Variants in HS6ST3 observed in about 807,000 individuals in gnomAD.
HS6ST3 encodes heparan-sulfate 6-O-sulfotransferase 3.
In HS6ST3, 12 loss-of-function variants were observed where a neutral mutation model predicts 36.7. That is an observed-to-expected ratio of 0.33 (90% confidence interval 0.21 to 0.53). The LOEUF is 0.53. Among genes scored for constraint, HS6ST3 ranks in the 20% least tolerant of loss-of-function variants. The probability of loss-of-function intolerance (pLI) is 0.95; values close to 1 mark genes in which losing one functional copy is unlikely to be tolerated. For synonymous variants in HS6ST3, 240 were observed against 257.5 expected (o/e 0.93, Z 0.65); for missense variants, 584 against 640.9 (o/e 0.91, Z 0.96).
At chr13:96,789,049 T>C (rs1353602605) in intron 1 of HS6ST3, among the ~76,000 whole-genome samples, 3 of 151,840 alleles carry the variant, frequency 2.0e-5, no homozygotes, top group Non-Finnish European at 2.9e-5. Flanking sequence ...ACCATTTTTA[T>C]TTGTTTTTTT....
At chr13:96,716,748 T>G (rs917664191) in intron 1 of HS6ST3, among the ~76,000 whole-genome samples, 36 of 152,338 alleles carry the variant, frequency 2.4e-4, no homozygotes, top group African/African-American at 8.7e-4. Flanking sequence ...GCTGTTTTAT[T>G]TCTGTTCTTG....
intron 1 of HS6ST3, among the ~76,000 whole-genome samples, chr13:96,096,136 T>C (rs2053789757): frequency 6.6e-6 from 1 of 152,072 alleles, no homozygotes; most frequent in African/African-American, 2.4e-5. Flanking sequence ...AAAGAATGTG[T>C]AATATTTAAT....
chr13:96,680,605 G>T (rs1357961477), intron 1 of HS6ST3, among the ~76,000 whole-genome samples: 1 of 152,068 alleles, frequency 6.6e-6, no homozygotes, highest in Non-Finnish European at 1.5e-5. Flanking sequence ...GGGAAGTTTC[G>T]AAACCATCAT....
At chr13:96,249,919 A>C (rs566545951) in intron 1 of HS6ST3, among the ~76,000 whole-genome samples, 2 of 152,140 alleles carry the variant, frequency 1.3e-5, no homozygotes, top group African/African-American at 4.8e-5. Flanking sequence ...AATGTAGATT[A>C]GAGTTTATGA....
chr13:96,448,210 T>G (rs758670942), intron 1 of HS6ST3, among the ~76,000 whole-genome samples: 1 of 152,198 alleles, frequency 6.6e-6, no homozygotes, highest in Non-Finnish European at 1.5e-5. Context: ...TTGGTTACCT[T>G]TAAAAATCGG....
intron 1 of HS6ST3, among the ~76,000 whole-genome samples, chr13:96,116,739 A>G (rs572947465): frequency 7.2e-5 from 11 of 152,298 alleles, no homozygotes; most frequent in Middle Eastern, 3.4e-3. Flanking sequence ...GAACATTGCT[A>G]TTTTAAATTG....
chr13:96,094,104 A>G (rs906983259), intron 1 of HS6ST3, among the ~76,000 whole-genome samples: 1 of 152,306 alleles, frequency 6.6e-6, no homozygotes, highest in South Asian at 2.1e-4. Context: ...GGAGTCAGAT[A>G]AATATGGCTC....
chr13:96,366,511 T>C (rs972184358), intron 1 of HS6ST3, among the ~76,000 whole-genome samples: 1 of 151,890 alleles, frequency 6.6e-6, no homozygotes, highest in African/African-American at 2.4e-5. Flanking sequence ...TGTAAGGCCC[T>C]AGAGTTCAAG....
intron 1 of HS6ST3, among the ~76,000 whole-genome samples, chr13:96,433,193 C>T (rs2055624762): frequency 6.6e-6 from 1 of 152,128 alleles, no homozygotes; most frequent in East Asian, 1.9e-4. Flanking sequence ...CAAGGTTGTT[C>T]TAGTCCCTCA....
intron 1 of HS6ST3, among the ~76,000 whole-genome samples, chr13:96,504,570 A>G (rs936994410): frequency 2.0e-5 from 3 of 152,106 alleles, no homozygotes; most frequent in Non-Finnish European, 4.4e-5. Context: ...AATAAAATAA[A>G]AGTAAAAGAG....
chr13:96,253,515 A>G (rs111440916), intron 1 of HS6ST3, among the ~76,000 whole-genome samples: 1,705 of 152,082 alleles, frequency 0.011, 31 homozygotes, highest in African/African-American at 0.039. Context: ...TATGCTGGAT[A>G]CTCAACTAGA....
At chr13:96,191,321 A>G (rs1031149586) in intron 1 of HS6ST3, among the ~76,000 whole-genome samples, 10 of 152,146 alleles carry the variant, frequency 6.6e-5, no homozygotes, top group Non-Finnish European at 1.3e-4. Flanking sequence ...AGTGCTTCCA[A>G]TTCCCTTGTG....
intron 1 of HS6ST3, among the ~76,000 whole-genome samples, chr13:96,445,036 A>T: frequency 6.6e-6 from 1 of 152,244 alleles, no homozygotes; most frequent in East Asian, 1.9e-4. Context: ...AAATGTAGTG[A>T]ATGACCTCAG....
chr13:96,164,211 A>G (rs2054150368), intron 1 of HS6ST3, among the ~76,000 whole-genome samples: 1 of 152,158 alleles, frequency 6.6e-6, no homozygotes, highest in Admixed American at 6.5e-5. Context: ...GTCTCCATGT[A>G]TATAAAGCAT....
intron 1 of HS6ST3, among the ~76,000 whole-genome samples, chr13:96,232,925 G>A (rs1594725185): frequency 6.6e-6 from 1 of 152,188 alleles, no homozygotes; most frequent in Admixed American, 6.5e-5. Context: ...GTTTCATGAT[G>A]TATGTGGCCT....
chr13:96,266,233 T>C (rs530895250), intron 1 of HS6ST3, among the ~76,000 whole-genome samples: 1 of 152,144 alleles, frequency 6.6e-6, no homozygotes, highest in Non-Finnish European at 1.5e-5. Context: ...CAGATCAGAG[T>C]GTCATTCATG....
chr13:96,532,260 T>C (rs1018614567), intron 1 of HS6ST3, among the ~76,000 whole-genome samples: 12 of 152,262 alleles, frequency 7.9e-5, no homozygotes, highest in Non-Finnish European at 1.5e-4. Context: ...GTTTATTCCA[T>C]GTATACATTA....
At chr13:96,431,182 A>ATGT (rs980153433) in intron 1 of HS6ST3, among the ~76,000 whole-genome samples, 23 of 151,964 alleles carry the variant, frequency 1.5e-4, no homozygotes, top group South Asian at 2.1e-4. Flanking sequence ...CCAGCCTGGG[A>ATGT]GACAGAGTGA....
At chr13:96,772,790 C>T (rs1470248505) in intron 1 of HS6ST3, among the ~76,000 whole-genome samples, 4 of 152,130 alleles carry the variant, frequency 2.6e-5, no homozygotes, top group South Asian at 2.1e-4. Context: ...ATGTAGATTA[C>T]AGTATTGATT....
Sources: gnomAD v4.1 joint callset for allele counts (sites outside exome capture counted in the v4.1 genomes callset) on GRCh38, gnomAD v4.1.1 for gene constraint, MANE v1.5 for transcripts, NCBI Gene and HGNC (gene_info 2026-07-23, HGNC 2026-07-21) for gene names.